The following ODF2L variants were observed in gnomAD, a reference collection of about 807,000 sequenced individuals.
The protein encoded by ODF2L is outer dense fiber of sperm tails 2 like, also known as protein BCAP.
A neutral mutation model predicts 86.3 loss-of-function variants in ODF2L; 76 were observed. That is an observed-to-expected ratio of 0.88 (90% CI 0.73 to 1.07). ODF2L has a LOEUF of 1.07. Among genes scored for constraint, ODF2L ranks in the 50% least tolerant of loss-of-function variants. The pLI is 0.00. For missense variants in ODF2L, 748 were observed against 717.4 expected (o/e 1.04, Z -0.49); for synonymous variants, 241 against 231.3 (o/e 1.04, Z -0.38).
At chr1:86,373,566 T>C (rs1659959599) in intron 8 of ODF2L, among the ~76,000 whole-genome samples, 1 of 150,984 alleles carries the variant, frequency 6.6e-6, no homozygotes, top group Non-Finnish European at 1.5e-5. Flanking sequence ...CTATATACTG[T>C]ATATATATAG....
intron 9 of ODF2L, among the ~76,000 whole-genome samples, chr1:86,371,748 GTTA>G (rs137869911): frequency 0.02 from 2,976 of 152,118 alleles, 96 homozygotes; most frequent in African/African-American, 0.069. Flanking sequence ...TTTCAAAGCA[GTTA>G]TTATAAACTT....
At chr1:86,371,991 T>A (rs1659816858) in intron 9 of ODF2L, among the ~76,000 whole-genome samples, 1 of 151,634 alleles carries the variant, frequency 6.6e-6, no homozygotes, top group Admixed American at 6.6e-5. Context: ...ATCGAGACCA[T>A]CCTGACCAAC....
exon 16 of ODF2L, chr1:86,354,599 T>C: frequency 6.2e-7 from 1 of 1,610,558 alleles, no homozygotes; most frequent in Non-Finnish European, 8.5e-7. Flanking sequence ...CAGATTTCTC[T>C]TTAAACTTAA....
intron 2 of ODF2L, chr1:86,386,440 C>T (rs1331516997): frequency 6.5e-6 from 1 of 152,774 alleles, no homozygotes; most frequent in Non-Finnish European, 1.5e-5. Context: ...CCCAGGAGTG[C>T]AGTGGCATTA....
At chr1:86,348,708 C>T, downstream of ODF2L, 1 of 1,363,660 alleles carries the variant, frequency 7.3e-7, no homozygotes, top group Non-Finnish European at 9.6e-7. Flanking sequence ...ATTTTAGACT[C>T]ATAATAAAAA....
At chr1:86,378,999 TAGTG>T (rs1264956948) in intron 7 of ODF2L, among the ~76,000 whole-genome samples, 3 of 152,060 alleles carry the variant, frequency 2.0e-5, no homozygotes, top group Admixed American at 6.6e-5. Context: ...GTTCTCCTGA[TAGTG>T]AGTGAGTTCT....
At chr1:86,357,363 T>G (rs938269880) in intron 13 of ODF2L, among the ~76,000 whole-genome samples, 7 of 151,720 alleles carry the variant, frequency 4.6e-5, no homozygotes, top group African/African-American at 1.7e-4. Context: ...TTTTTTTTTT[T>G]GCAAAATTAA....
At chr1:86,348,163 A>G (rs1305008964), downstream of ODF2L, 1 of 152,112 alleles carries the variant, frequency 6.6e-6, no homozygotes, top group East Asian at 1.9e-4. Context: ...CCACGTTTTC[A>G]TCTGTCATTA....
chr1:86,362,152 A>G (rs1308884129), intron 11 of ODF2L, among the ~76,000 whole-genome samples: 2 of 151,970 alleles, frequency 1.3e-5, no homozygotes, highest in African/African-American at 4.8e-5. Context: ...GTGGAAGGAG[A>G]TGAGAGTGGA....
At chr1:86,355,716 T>G (rs555590245) in intron 14 of ODF2L, among the ~76,000 whole-genome samples, 8 of 152,280 alleles carry the variant, frequency 5.3e-5, no homozygotes, top group Non-Finnish European at 1.2e-4. Flanking sequence ...CACTGTGTGT[T>G]GTTCTTCTCC....
At chr1:86,369,523 A>C (rs1344330740) in intron 10 of ODF2L, among the ~76,000 whole-genome samples, 1 of 152,150 alleles carries the variant, frequency 6.6e-6, no homozygotes, top group African/African-American at 2.4e-5. Flanking sequence ...AACAGACTTG[A>C]GATTTGTGAG....
chr1:86,385,471 A>T, exon 3 of ODF2L: 1 of 1,581,048 alleles, frequency 6.3e-7, no homozygotes, highest in Non-Finnish European at 8.7e-7. Context: ...TTCAAAATTA[A>T]TCTTTTCAAT....
At chr1:86,368,799 T>G (rs980684900) in intron 10 of ODF2L, 6 of 1,224,318 alleles carry the variant, frequency 4.9e-6, no homozygotes, top group Non-Finnish European at 6.3e-6. Context: ...TTAAAAACAT[T>G]GGGAATAACC....
intron 7 of ODF2L, among the ~76,000 whole-genome samples, chr1:86,380,293 G>A (rs1333872914): frequency 6.6e-6 from 1 of 152,086 alleles, no homozygotes; most frequent in Non-Finnish European, 1.5e-5. Context: ...TTTTTTTGAA[G>A]AGTGACTAAG....
At chr1:86,370,959 A>G (rs1659749678) in intron 10 of ODF2L, 59 bp downstream of exon 10, 2 of 1,127,500 alleles carry the variant, frequency 1.8e-6, no homozygotes, top group East Asian at 2.7e-5. Context: ...AGCTATTTCT[A>G]CTAAGTAGAC....
At chr1:86,384,787 T>C in exon 4 of ODF2L, 1 of 1,515,230 alleles carries the variant, frequency 6.6e-7, no homozygotes, top group Non-Finnish European at 8.8e-7. Flanking sequence ...TCAAATTCAA[T>C]GCAGAAAGAT....
At chr1:86,365,315 CAG>C (rs2100930838) in intron 11 of ODF2L, among the ~76,000 whole-genome samples, 1 of 152,244 alleles carries the variant, frequency 6.6e-6, no homozygotes, top group African/African-American at 2.4e-5. Context: ...TGCTACTCTC[CAG>C]AGTCATTTAC....
intron 7 of ODF2L, among the ~76,000 whole-genome samples, chr1:86,379,860 G>T (rs1660442470): frequency 6.6e-6 from 1 of 152,140 alleles, no homozygotes; most frequent in African/African-American, 2.4e-5. Flanking sequence ...GAATGTGATT[G>T]TAACTAATTG....
rs969363646 is a variant in ODF2L, at chr1:86,382,271, C to T, written c.595G>A (p.Glu199Lys). Residue 199 changes from glutamate (E) to lysine (K), a missense_variant, in exon 7 of 18, where the codon GAG (glutamate) becomes AAG (lysine). By Grantham distance (56) the Glu-to-Lys change is moderately conservative. Coordinates refer to ENST00000317336, the Ensembl canonical transcript of ODF2L. ...ACATATTCTTTCAACTTATCGTTCT[C>T]GGCTTCCCTTTTATGAATTTGGATC... The T allele has an allele frequency of 2.7e-5, 43 of 1,611,520 alleles. No individual in the cohort carries two copies. Among genetic ancestry groups the T allele is most frequent in the Middle Eastern group, 3.4e-4 (2 of 5,946 alleles).
Sources: allele counts gnomAD v4.1 joint callset (sites outside exome capture counted in the v4.1 genomes callset), GRCh38; gene constraint gnomAD v4.1.1; transcripts MANE v1.5; gene names NCBI Gene and HGNC (gene_info 2026-07-23, HGNC 2026-07-21).